The following SECISBP2L variants were observed in gnomAD, a reference collection of about 807,000 sequenced individuals.
SECISBP2L encodes the protein SECIS binding protein 2 like, also known as selenocysteine insertion sequence-binding protein 2-like.
SECISBP2L carries 43 observed loss-of-function variants against 114.7 expected under a neutral mutation model. The ratio of observed to expected loss-of-function variants is 0.38; its 90% CI spans 0.29 to 0.48. The LOEUF (loss-of-function observed/expected upper bound fraction) is 0.48, where lower values mean the gene tolerates loss of function less well. Among genes scored for constraint, SECISBP2L ranks in the 20% least tolerant of loss-of-function variants. The pLI, the probability that SECISBP2L is intolerant of heterozygous loss-of-function variation, is 0.98. For missense variants in SECISBP2L, 1,136 were observed against 1,301.1 expected, an observed-to-expected ratio of 0.87 and a Z score of 1.95; for synonymous variants, 451 against 439.7, an observed-to-expected ratio of 1.03 and a Z score of -0.32.
In SECISBP2L at chr15:49,016,632, C is replaced by T; in HGVS notation, c.1489G>A (p.Ala497Thr). 1 of 1,610,402 alleles carries T rather than the reference C, an allele frequency of 6.2e-7. No individual in the cohort carries two copies. The highest frequency in any genetic ancestry group is 8.5e-7 in the Non-Finnish European group (1 of 1,177,910). Residue 497 changes from alanine to threonine, a missense_variant, in exon 11 of 18, where the codon GCT becomes ACT. Coordinates refer to ENST00000559471, the MANE Select transcript of SECISBP2L (RefSeq NM_001193489.2). ...PVQLDLGDMLAALEKQQQAMK... is the reference protein window; with the variant it reads ...PVQLDLGDMLTALEKQQQAMK... Reference sequence around the variant, plus strand: ...GCTTGCTGTTGTTTTTCCAGAGCAGCTAACATGTCCCCTAAATCTAGCTGC... The same window carrying T: ...GCTTGCTGTTGTTTTTCCAGAGCAGTTAACATGTCCCCTAAATCTAGCTGC...
At chr15:49,018,099 T>C (rs1453279112) in intron 8 of SECISBP2L, among the ~76,000 whole-genome samples, 1 of 152,174 alleles carries the variant, frequency 6.6e-6, no homozygotes, top group Non-Finnish European at 1.5e-5. Context: ...AAATTATATC[T>C]AATGTCTTTA....
rs141430068 is a variant in SECISBP2L, at chr15:49,038,200, T to C, written c.25-431A>G. ...TTTGAATAGTCTTAAAAGTTGTCTA[T>C]TTCTGTCCATTTCTGGAAATTAGAT... is the stretch of plus-strand genomic sequence containing the variant. On this transcript the variant is annotated intron_variant, in intron 1 of 17. Transcript: ENST00000559471. Among the ~76,000 whole-genome samples, 99 of 152,264 alleles carry C rather than the reference T, an allele frequency of 6.5e-4. 1 individual carries two copies. Among genetic ancestry groups the C allele is most frequent in the African/African-American group, 2.4e-3 (98 of 41,570 alleles).
intron 4 of SECISBP2L, among the ~76,000 whole-genome samples, chr15:49,031,044 T>C (rs1378533781): frequency 2.4e-5 from 3 of 123,750 alleles, no homozygotes; most frequent in South Asian, 3.0e-4. Flanking sequence ...TTTCTTTTTT[T>C]TTTTTTTTTT....
At chr15:49,029,209 A>G (rs1595793405) in intron 4 of SECISBP2L, among the ~76,000 whole-genome samples, 1 of 152,316 alleles carries the variant, frequency 6.6e-6, no homozygotes, top group East Asian at 1.9e-4. Flanking sequence ...TCACTAAAAT[A>G]CTAAAACCAC....
At position 49,019,570 on chromosome 15, in the gene SECISBP2L, G is replaced by A; in HGVS notation, c.1036-18C>T. The A allele has an allele frequency of 7.0e-7, 1 of 1,434,416 alleles. No homozygotes were observed. The highest frequency in any genetic ancestry group is 9.0e-7 in the Non-Finnish European group (1 of 1,105,362). 88.9% of individuals were successfully genotyped at this position (1,434,416 alleles called of 1,614,324 possible). A position where few individuals can be genotyped will look rare whatever the true frequency, so the allele number is the denominator to read the frequency against. On this transcript the variant is annotated intron_variant, in intron 7 of 17. Transcript: ENST00000559471. ...AATCCAACCTAAGTAAACCCCAGAG[G>A]GGAAAAAAAATCTAATTATTTTTAA... is the stretch of plus-strand genomic sequence containing the variant.
Position 49,034,420 on chromosome 15 carries a change from C to CT in SECISBP2L, c.528+913dup, listed in dbSNP as rs75869456. 2.0e-3 allele frequency among the ~76,000 whole-genome samples: 286 copies of CT among 143,592 alleles called. 1 individual carries two copies. Among genetic ancestry groups the CT allele is most frequent in the South Asian group, 0.012 (55 of 4,538 alleles). The allele number at this position is 143,592 out of a possible 152,430, so 94.2% of individuals were successfully genotyped here. On this transcript the variant is annotated intron_variant, in intron 3 of 17. Transcript: ENST00000559471. ...TGTGATTCAAAGCCTTCATTTCTTTCTTTTTTTTTTTTTACTTAGTCAAAA... is the reference window on the plus strand; with the variant it reads ...TGTGATTCAAAGCCTTCATTTCTTTCTTTTTTTTTTTTTTACTTAGTCAAAA...
chr15:49,043,095 A>G (rs537971840), intron 1 of SECISBP2L, among the ~76,000 whole-genome samples: 30 of 152,204 alleles, frequency 2.0e-4, no homozygotes, highest in Non-Finnish European at 4.1e-4. Flanking sequence ...ATATATTAAT[A>G]CTTTTTTATT....
At chr15:49,014,819 T>G (rs1902505389) in intron 11 of SECISBP2L, among the ~76,000 whole-genome samples, 1 of 148,510 alleles carries the variant, frequency 6.7e-6, no homozygotes, top group South Asian at 2.1e-4. Flanking sequence ...TGTTTATGTA[T>G]ATTAACAGTA....
At chr15:49,028,745 A>G in intron 4 of SECISBP2L, 63 bp from the exon 5 acceptor site, 1 of 1,340,706 alleles carries the variant, frequency 7.5e-7, no homozygotes, top group South Asian at 1.2e-5. Context: ...TTCTCATTAA[A>G]TCATCATTAA....
At chr15:49,040,567 G>T (rs1219638532) in intron 1 of SECISBP2L, among the ~76,000 whole-genome samples, 1 of 102,212 alleles carries the variant, frequency 9.8e-6, no homozygotes, top group Non-Finnish European at 1.8e-5. Context: ...ACGGAGTCTT[G>T]CTCTGTGGCC....
intron 8 of SECISBP2L, 34 bp from the exon 9 acceptor site, chr15:49,017,662 C>A: frequency 1.4e-6 from 2 of 1,472,368 alleles, no homozygotes; most frequent in South Asian, 2.4e-5. Context: ...AAAAAGAGTT[C>A]AAGGCAAACT....
At chr15:49,006,557 T>C (rs1042280635) in intron 14 of SECISBP2L, among the ~76,000 whole-genome samples, 1 of 152,146 alleles carries the variant, frequency 6.6e-6, no homozygotes, top group African/African-American at 2.4e-5. Flanking sequence ...GATACTTGTG[T>C]ATGCTTCAGG....
At chr15:48,993,100 A>AGAGAGAGAGTGTGTGT (rs772299775) in intron 17 of SECISBP2L, among the ~76,000 whole-genome samples, 174 bp from the exon 18 acceptor site, 61 of 139,218 alleles carry the variant, frequency 4.4e-4, no homozygotes, top group African/African-American at 1.7e-3. Context: ...ACAGAGAGAG[A>AGAGAGAGAGTGTGTGT]GTGTGTGTGT....
Position 49,017,582 on chromosome 15 carries a change from TCCTTAG to T in SECISBP2L, c.1211_1216del (p.Ala404_Lys405del). On this transcript the variant is annotated inframe_deletion, in exon 9 of 18. Coordinates refer to ENST00000559471, the MANE Select transcript of SECISBP2L (RefSeq NM_001193489.2). The stretch of plus-strand genomic sequence containing the variant: ...AGAAAGTTTTTGTTGAATATTCTCA[TCCTTAG>T]CATTTCCATTCTCATTTAGTTCTTG... The T allele has an allele frequency of 6.2e-7, 1 of 1,608,762 alleles. No individual in the cohort carries two copies. Among genetic ancestry groups the T allele is most frequent in the Middle Eastern group, 1.7e-4 (1 of 5,998 alleles).
chr15:49,013,064 C>A, intron 11 of SECISBP2L: 1 of 362,756 alleles, frequency 2.8e-6, no homozygotes. Flanking sequence ...GTTCTACTCT[C>A]CTGTACAACC....
rs755628762 is a variant in SECISBP2L, at chr15:49,035,456, C to G, written c.406G>C (p.Ala136Pro). Residue 136 changes from alanine to proline, a missense_variant, in exon 3 of 18, where the codon GCT becomes CCT. By Grantham distance (27) the Ala-to-Pro change is conservative. Coordinates refer to ENST00000559471, the MANE Select transcript of SECISBP2L (RefSeq NM_001193489.2). Reference sequence around the variant, plus strand: ...GTGATAGCATTTACAGTATTTGCAGCCTGAAAGGTGTTGGAGTAAGGTGTA... The same window carrying G: ...GTGATAGCATTTACAGTATTTGCAGGCTGAAAGGTGTTGGAGTAAGGTGTA... ...FPTPYSNTFQ[A>P]ANTVNAITTE... The G allele has an allele frequency of 1.9e-6, 3 of 1,613,922 alleles. No homozygotes were observed. Among genetic ancestry groups the G allele is most frequent in the Non-Finnish European group, 2.5e-6 (3 of 1,180,016 alleles).
chr15:49,017,841 G>T (rs1902566952), intron 8 of SECISBP2L: 1 of 372,906 alleles, frequency 2.7e-6, no homozygotes, highest in Admixed American at 4.8e-5. Context: ...CACATGTCCA[G>T]TTTTTGGATT....
rs768891202 is a variant in SECISBP2L, at chr15:48,992,828, T to C, written c.2722A>G (p.Ser908Gly). ...SCKHSTSEKP[S>G]KLPFDTPPIG... ...GGGGGTGTGTCAAATGGAAGTTTACTGGGTTTTTCAGAAGTGCTGTGCTTA... is the reference window on the plus strand; with the variant it reads ...GGGGGTGTGTCAAATGGAAGTTTACCGGGTTTTTCAGAAGTGCTGTGCTTA... Residue 908 changes from serine (S) to glycine (G), a missense_variant, in exon 18 of 18, where the codon AGT (serine) becomes GGT (glycine). Coordinates refer to ENST00000559471, the MANE Select transcript of SECISBP2L (RefSeq NM_001193489.2). The C allele has an allele frequency of 3.1e-6, 5 of 1,614,192 alleles. No homozygotes were observed. In the East Asian group the frequency reaches 6.7e-5, roughly 22 times the overall value.
rs751123921 is a variant in SECISBP2L at position 48,992,773 on chromosome 15, G to A, written c.2777C>T (p.Thr926Ile). 2.5e-6 allele frequency: 4 copies of A among 1,614,014 alleles called. No individual in the cohort carries two copies. The highest frequency in any genetic ancestry group is 2.2e-5 in the East Asian group (1 of 44,890). ...ACTTGTAGCTGAGGTAGTACTGCCT[G>A]TAGCCACTAATGATGGCTGCTTACC... is the stretch of plus-strand genomic sequence containing the variant. ...PIGKQPSLVA[T>I]GSTTSATSAG... is the part of the protein sequence containing the mutation. Residue 926 changes from threonine to isoleucine, a missense_variant, in exon 18 of 18, where the codon ACA becomes ATA. Transcript: ENST00000559471.
Sources: gnomAD v4.1 joint callset for allele counts (sites outside exome capture counted in the v4.1 genomes callset) on GRCh38, gnomAD v4.1.1 for gene constraint, MANE v1.5 for transcripts, NCBI Gene and HGNC (gene_info 2026-07-23, HGNC 2026-07-21) for gene names.